Variants in IL17RD observed in about 807,000 individuals in gnomAD.
IL17RD encodes the protein interleukin 17 receptor D, also known as interleukin-17 receptor D.
IL17RD carries 52 observed loss-of-function variants against 80.5 expected under a neutral mutation model. The observed-to-expected ratio is 0.65, with a 90% CI of 0.52 to 0.81. The LOEUF is 0.81. Among genes scored for constraint, IL17RD ranks in the 40% least tolerant of loss-of-function variants. IL17RD has a pLI of 0.00. For synonymous variants in IL17RD, 416 were observed against 391.8 expected, an observed-to-expected ratio of 1.06 and a Z score of -0.73; for missense variants, 1,024 against 955.1, an observed-to-expected ratio of 1.07 and a Z score of -0.95.
chr3:57,099,443 T>A (rs1469250478), intron 11 of IL17RD, among the ~76,000 whole-genome samples: 1 of 152,222 alleles, frequency 6.6e-6, no homozygotes, highest in African/African-American at 2.4e-5. Flanking sequence ...GTTATTGTGT[T>A]GATGTCTTTC....
intron 11 of IL17RD, among the ~76,000 whole-genome samples, chr3:57,100,311 G>C (rs1706798585): frequency 6.6e-6 from 1 of 152,212 alleles, no homozygotes; most frequent in Non-Finnish European, 1.5e-5. Context: ...TCACCACATG[G>C]AGAGATTCTG....
At chr3:57,109,803 A>C in intron 4 of IL17RD, 146 bp from the exon 5 acceptor site, 2 of 833,098 alleles carry the variant, frequency 2.4e-6, no homozygotes, top group Non-Finnish European at 3.8e-6. Context: ...AGTCAGGTCT[A>C]GTTTCTGGAC....
At chr3:57,119,318 C>T (rs1484718472) in intron 2 of IL17RD, among the ~76,000 whole-genome samples, 3 of 151,052 alleles carry the variant, frequency 2.0e-5, no homozygotes, top group African/African-American at 4.9e-5. Flanking sequence ...TGCCACTGCA[C>T]TCCAGCCTGG....
chr3:57,110,392 T>C (rs1364545887), intron 3 of IL17RD, 81 bp from the exon 4 acceptor site: 4 of 1,437,058 alleles, frequency 2.8e-6, no homozygotes, highest in Non-Finnish European at 3.8e-6. Flanking sequence ...ATTACCATCT[T>C]CTCTACCTAC....
At chr3:57,101,091 A>G in intron 11 of IL17RD, 88 bp downstream of exon 11, 1 of 1,018,702 alleles carries the variant, frequency 9.8e-7, no homozygotes, top group Non-Finnish European at 1.5e-6. Flanking sequence ...TCACCACAGG[A>G]GGCCCAGAAG....
rs1420791951 is a variant in IL17RD at position 57,091,358 on chromosome 3, A to G, written c.*5035T>C. The stretch of plus-strand genomic sequence containing the variant: ...CATCAGGGGAAAAATGTGGCAGTCA[A>G]ATAATTCTCAATGAATATAGGTGAC... On this transcript the variant is annotated 3_prime_UTR_variant, in exon 13 of 13. Coordinates refer to ENST00000296318, the MANE Select transcript of IL17RD (RefSeq NM_017563.5). The G allele has an allele frequency of 6.6e-6, 1 of 152,460 alleles. No individual in the cohort carries two copies. Among genetic ancestry groups the G allele is most frequent in the Non-Finnish European group, 1.5e-5 (1 of 68,036 alleles). 9.4% of individuals were successfully genotyped at this position (152,460 alleles called of 1,614,324 possible).
chr3:57,158,265 G>C (rs982988258), intron 1 of IL17RD, among the ~76,000 whole-genome samples: 2 of 152,100 alleles, frequency 1.3e-5, no homozygotes, highest in Admixed American at 1.3e-4. Context: ...AATGAAGAAA[G>C]GTACAATAAA....
At chr3:57,145,921 C>A (rs945214639) in intron 1 of IL17RD, among the ~76,000 whole-genome samples, 1 of 152,066 alleles carries the variant, frequency 6.6e-6, no homozygotes, top group African/African-American at 2.4e-5. Flanking sequence ...AGCCCAAGAT[C>A]GGGATTTTTT....
intron 7 of IL17RD, among the ~76,000 whole-genome samples, chr3:57,104,941 T>G (rs541586664): frequency 6.6e-6 from 1 of 152,188 alleles, no homozygotes; most frequent in Non-Finnish European, 1.5e-5. Context: ...TGAACATCCA[T>G]GAAACGGTTT....
At chr3:57,147,388 C>G (rs906432908) in intron 1 of IL17RD, among the ~76,000 whole-genome samples, 3 of 152,122 alleles carry the variant, frequency 2.0e-5, no homozygotes, top group African/African-American at 7.2e-5. Flanking sequence ...AATGGTGGAG[C>G]TGGGATTCGT....
chr3:57,161,373 T>C (rs2060303630), intron 1 of IL17RD, among the ~76,000 whole-genome samples: 1 of 152,248 alleles, frequency 6.6e-6, no homozygotes, highest in Non-Finnish European at 1.5e-5. Context: ...TGGACTTTTA[T>C]CAGGAACCTA....
chr3:57,110,437 G>T, intron 3 of IL17RD, 126 bp from the exon 4 acceptor site: 1 of 1,039,512 alleles, frequency 9.6e-7, no homozygotes, highest in Non-Finnish European at 1.4e-6. Context: ...CTGTGGCCAG[G>T]GTATCTGAGT....
At chr3:57,128,341 C>T (rs560859813) in intron 1 of IL17RD, among the ~76,000 whole-genome samples, 2 of 152,310 alleles carry the variant, frequency 1.3e-5, no homozygotes, top group East Asian at 1.9e-4. Flanking sequence ...AAGCCGTAAT[C>T]GTGATTCATC....
chr3:57,103,041 C>T, intron 9 of IL17RD, 50 bp downstream of exon 9: 1 of 1,316,286 alleles, frequency 7.6e-7, no homozygotes, highest in Non-Finnish European at 1.1e-6. Context: ...GTATCACATA[C>T]CTTGGTCTAT....
chr3:57,105,536 C>CAAAAAAAAA (rs745910085), intron 7 of IL17RD, among the ~76,000 whole-genome samples: 5 of 35,612 alleles, frequency 1.4e-4, no homozygotes, highest in East Asian at 3.4e-4. Context: ...GACTCCATCT[C>CAAAAAAAAA]AAAAAAAAAA....
chr3:57,105,293 T>C (rs1187005103), intron 7 of IL17RD, among the ~76,000 whole-genome samples: 1 of 151,872 alleles, frequency 6.6e-6, no homozygotes, highest in Non-Finnish European at 1.5e-5. Flanking sequence ...ATCCCAGCAC[T>C]TTGGGAGGCC....
chr3:57,167,481 G>A (rs895447696), upstream of IL17RD, among the ~76,000 whole-genome samples: 9 of 152,118 alleles, frequency 5.9e-5, no homozygotes, highest in Admixed American at 2.0e-4. Flanking sequence ...GGGTGCCAGG[G>A]GCTGAGATGA....
chr3:57,152,959 T>A (rs1295450277), intron 1 of IL17RD, among the ~76,000 whole-genome samples: 1 of 152,172 alleles, frequency 6.6e-6, no homozygotes, highest in African/African-American at 2.4e-5. Flanking sequence ...CACAGGTCTT[T>A]AATAGGAACT....
rs1184997892 is a variant in IL17RD at position 57,165,202 on chromosome 3, C to G, written c.85G>C (p.Gly29Arg). 1.3e-6 allele frequency: 2 copies of G among 1,530,056 alleles called. No homozygotes were observed. The highest frequency in any genetic ancestry group is 1.8e-6 in the Non-Finnish European group (2 of 1,139,300). 94.8% of individuals were successfully genotyped at this position (1,530,056 alleles called of 1,614,324 possible). ...NGSQLAVAAG[G>R]SGRARGADTC... ...TCGGCGCCCCGCGCGCGGCCGGACC[C>G]GCCAGCGGCCACAGCCAGCTGCGAG... Residue 29 changes from glycine (G) to arginine (R), a missense_variant, in exon 1 of 13, where the codon GGG (glycine) becomes CGG (arginine). Coordinates refer to ENST00000296318, the MANE Select transcript of IL17RD (RefSeq NM_017563.5).
Sources: gnomAD v4.1 joint callset for allele counts (sites outside exome capture counted in the v4.1 genomes callset) on GRCh38, gnomAD v4.1.1 for gene constraint, MANE v1.5 for transcripts, NCBI Gene and HGNC (gene_info 2026-07-23, HGNC 2026-07-21) for gene names.